Variants in BCAP31 observed in about 807,000 individuals in gnomAD.
BCAP31 encodes B-cell receptor-associated protein 31.
For missense variants in BCAP31, 124 were observed against 193.0 expected (o/e 0.64, Z 2.12); for synonymous variants, 75 against 80.9 (o/e 0.93, Z 0.39).
intron 3 of BCAP31, among the ~76,000 whole-genome samples, chrX:153,719,425 A>G (rs1297459485): frequency 8.9e-6 from 1 of 112,376 alleles, no homozygotes; most frequent in Non-Finnish European, 1.9e-5. Context: ...GTATTTCAAG[A>G]ACACTGAGGT....
At chrX:153,705,105 G>A (rs2091545540) in intron 4 of BCAP31, 2 of 112,650 alleles carry the variant, frequency 1.8e-5, no homozygotes, top group South Asian at 7.3e-4. Flanking sequence ...ACAGGGCCTG[G>A]GGGAAGGAAG....
At position 153,700,738 on chromosome X, in the gene BCAP31, A is replaced by G. The variant is rs1323664273; in HGVS notation, c.*199T>C. On this transcript the variant is annotated 3_prime_UTR_variant, in exon 8 of 8. Coordinates refer to ENST00000345046, the MANE Select transcript of BCAP31 (RefSeq NM_001256447.2). ...GCAGGATGACAGCAAACGCATTCTG[A>G]ACGTGTAGCAATCAGGTCCCCTGTA... The G allele has an allele frequency of 5.0e-6, 2 of 403,006 alleles. No individual in the cohort carries two copies. Among genetic ancestry groups the G allele is most frequent in the Non-Finnish European group, 8.6e-6 (2 of 233,809 alleles). 33.2% of individuals were successfully genotyped at this position (403,006 alleles called of 1,213,427 possible).
chrX:153,715,119 C>A (rs1238126123), intron 4 of BCAP31, among the ~76,000 whole-genome samples: 14 of 111,985 alleles, frequency 1.3e-4, no homozygotes, highest in African/African-American at 3.6e-4. Context: ...AGAGGCCCAG[C>A]CTCTTCGTGC....
In BCAP31 at chrX:153,715,628, A is replaced by G; in HGVS notation, c.255T>C (p.Asn85=). The G allele has an allele frequency of 8.3e-7, 1 of 1,211,183 alleles. No individual in the cohort carries two copies. The highest frequency in any genetic ancestry group is 1.1e-6 in the Non-Finnish European group (1 of 895,092). Residue 85 remains asparagine, a synonymous_variant, in exon 4 of 8, where the codon AAT becomes AAC. Coordinates refer to ENST00000345046, the MANE Select transcript of BCAP31 (RefSeq NM_001256447.2). The part of the protein sequence containing the change: ...DVTEKVNLQN[N]PGAMEHFHMK... The stretch of plus-strand genomic sequence containing the variant: ...TGTGGAAGTGCTCCATGGCCCCGGG[A>G]TTGTTCTGGAGGTTCACCTTTTCCG...
intron 6 of BCAP31, chrX:153,702,587 C>A (rs2091525904): frequency 5.0e-6 from 1 of 198,029 alleles, no homozygotes; most frequent in African/African-American, 3.0e-5. Context: ...CTGAACGCCA[C>A]TCCCACACTC....
At chrX:153,712,663 G>A (rs1282730362) in intron 4 of BCAP31, among the ~76,000 whole-genome samples, 1 of 112,233 alleles carries the variant, frequency 8.9e-6, no homozygotes, top group East Asian at 2.8e-4. Flanking sequence ...AAAAAGCCAT[G>A]AGGTTGGTCT....
In BCAP31 at chrX:153,715,571, G is replaced by A. The variant is rs1557049933; in HGVS notation, c.312C>T (p.Tyr104=). The A allele has an allele frequency of 1.7e-6, 2 of 1,211,687 alleles. No individual in the cohort carries two copies. Among genetic ancestry groups the A allele is most frequent in the Admixed American group, 4.3e-5 (2 of 46,045 alleles). Residue 104 remains tyrosine, a synonymous_variant, in exon 4 of 8, where the codon TAC becomes TAT. Transcript: ENST00000345046. The part of the protein sequence containing the change: ...MKLFRAQRNL[Y]IAGFSLLLSF... ...ACAGCAGCAAGGAAAAGCCAGCAAT[G>A]TAGAGATTCCTCTGGGCACGGAAAA...
intron 4 of BCAP31, among the ~76,000 whole-genome samples, chrX:153,712,953 C>A (rs1195612333): frequency 8.9e-6 from 1 of 111,763 alleles, no homozygotes; most frequent in African/African-American, 3.3e-5. Context: ...CGCCTGTGAT[C>A]CCAGCACTTT....
intron 5 of BCAP31, 61 bp from the exon 6 acceptor site, chrX:153,703,119 C>T (rs2091530131): frequency 1.7e-6 from 2 of 1,185,613 alleles, no homozygotes; most frequent in African/African-American, 1.7e-5. Context: ...GTTCCAGCCC[C>T]ATCCTCCCCA....
chrX:153,723,579 G>T lies in BCAP31; in HGVS notation c.-44-291C>A, dbSNP rs924747271. On this transcript the variant is annotated intron_variant, in intron 1 of 7. Transcript: ENST00000345046. The stretch of plus-strand genomic sequence containing the variant: ...CGACGATCCCTGCCCCAGGAAGCCC[G>T]AGATTTCCGACGCCCGTTTAACTGA... 30 of 1,167,331 alleles carry T rather than the reference G, an allele frequency of 2.6e-5. No individual in the cohort carries two copies. The African/African-American group carries it at 4.8e-4, about 19-fold the overall frequency.
At chrX:153,721,338 A>G (rs2091664041) in intron 2 of BCAP31, among the ~76,000 whole-genome samples, 1 of 105,646 alleles carries the variant, frequency 9.5e-6, no homozygotes, top group Non-Finnish European at 1.9e-5. Flanking sequence ...CAGGAGGGTG[A>G]GGCAGGAGAA....
Position 153,703,092 on chromosome X carries a change from G to C in BCAP31, c.478-34C>G, listed in dbSNP as rs370906076. 1.1e-5 allele frequency: 13 copies of C among 1,195,113 alleles called. No homozygotes were observed. In the African/African-American group the frequency reaches 2.3e-4, roughly 21 times the overall value. On this transcript the variant is annotated intron_variant, in intron 5 of 7. Transcript: ENST00000345046. ...AGTGCCAAAGGCCAGGGTTACTCAG[G>C]AGGGAGGGAGGGAGAGGTTCCAGCC... is the stretch of plus-strand genomic sequence containing the variant.
intron 4 of BCAP31, among the ~76,000 whole-genome samples, chrX:153,710,683 T>C (rs1379145353): frequency 1.8e-5 from 2 of 111,313 alleles, no homozygotes; most frequent in Non-Finnish European, 3.8e-5. Context: ...AGGTGTGATG[T>C]TTCCTTTCAG....
chrX:153,702,616 A>T (rs1603222130), intron 6 of BCAP31, among the ~76,000 whole-genome samples: 1 of 112,084 alleles, frequency 8.9e-6, no homozygotes, highest in East Asian at 2.9e-4. Context: ...CTCAGCCCCC[A>T]GGCATGCTGG....
At chrX:153,717,424 G>A (rs1401287507) in intron 3 of BCAP31, among the ~76,000 whole-genome samples, 1 of 112,066 alleles carries the variant, frequency 8.9e-6, no homozygotes, top group Admixed American at 9.5e-5. Context: ...AGGTATCACT[G>A]TATGGGTATC....
At position 153,700,757 on chromosome X, in the gene BCAP31, C is replaced by A; in HGVS notation, c.*180G>T. 2 of 430,437 alleles carry A rather than the reference C, an allele frequency of 4.6e-6. No homozygotes were observed. The highest frequency in any genetic ancestry group is 4.4e-5 in the East Asian group (1 of 22,901). 35.5% of individuals were successfully genotyped at this position (430,437 alleles called of 1,213,427 possible). On this transcript the variant is annotated 3_prime_UTR_variant, in exon 8 of 8. Coordinates refer to ENST00000345046, the MANE Select transcript of BCAP31 (RefSeq NM_001256447.2). ...ATTCTGAACGTGTAGCAATCAGGTC[C>A]CCTGTAATGTGCTTGGAGAGTGTGG...
At chrX:153,711,066 C>T (rs1423807057) in intron 4 of BCAP31, among the ~76,000 whole-genome samples, 32 of 111,995 alleles carry the variant, frequency 2.9e-4, no homozygotes, top group African/African-American at 1.0e-3. Context: ...TCCTTGCTGC[C>T]CCCAGGCCTG....
Position 153,704,059 on chromosome X carries a change from T to C in BCAP31, c.377A>G (p.Gln126Arg), listed in dbSNP as rs781860748. ...TTCATTGGAGGCCAGCAGCGTGGCC[T>C]GCTGCGAAATGAGAGTCACCAGGCG... Reference protein sequence around the residue: ...LRRLVTLISQQATLLASNEAF... With the variant: ...LRRLVTLISQRATLLASNEAF... The change falls in exon 5 of 8, where the codon CAG (glutamine) becomes CGG (arginine). Residue 126 changes from glutamine (Q) to arginine (R), a missense_variant. Transcript: ENST00000345046. 1 of 1,209,758 alleles carries C rather than the reference T, an allele frequency of 8.3e-7. No homozygotes were observed. The highest frequency in any genetic ancestry group is 1.7e-5 in the African/African-American group (1 of 57,438).
intron 3 of BCAP31, among the ~76,000 whole-genome samples, chrX:153,719,255 T>C (rs1375160161): frequency 9.0e-6 from 1 of 111,412 alleles, no homozygotes; most frequent in Non-Finnish European, 1.9e-5. Context: ...CCCCAGTTAT[T>C]ACCCCCACCC....
Sources: gnomAD v4.1 joint callset for allele counts (sites outside exome capture counted in the v4.1 genomes callset) on GRCh38, gnomAD v4.1.1 for gene constraint, MANE v1.5 for transcripts, NCBI Gene and HGNC (gene_info 2026-07-23, HGNC 2026-07-21) for gene names.